ASCC3: variants seen among roughly 807,000 people sequenced by gnomAD.
ASCC3 encodes the protein ASC-1 complex subunit P200.
Under a neutral mutation model 256.3 loss-of-function variants are expected in ASCC3, and 158 were observed. The observed-to-expected ratio is 0.62, with a 90% CI of 0.54 to 0.70. ASCC3 has a LOEUF of 0.70. Among genes scored for constraint, ASCC3 ranks in the 30% least tolerant of loss-of-function variants. The pLI, the probability that ASCC3 is intolerant of heterozygous loss-of-function variation, is 0.00. For missense variants in ASCC3, 2,259 were observed against 2,626.0 expected (o/e 0.86, Z 3.05); for synonymous variants, 948 against 883.4 (o/e 1.07, Z -1.30).
chr6:100,811,498 T>C (rs945134485), intron 4 of ASCC3, among the ~76,000 whole-genome samples: 4 of 152,030 alleles, frequency 2.6e-5, no homozygotes, highest in African/African-American at 9.7e-5. Context: ...ATCAGAAAAG[T>C]AGAGAAACTT....
At chr6:100,694,831 T>C (rs1778008823) in intron 13 of ASCC3, among the ~76,000 whole-genome samples, 1 of 152,050 alleles carries the variant, frequency 6.6e-6, no homozygotes, top group South Asian at 2.1e-4. Flanking sequence ...TATAGTGGGA[T>C]GAAGGAAATG....
Position 100,518,058 on chromosome 6 carries a change from G to A in ASCC3, c.5860C>T (p.Arg1954Trp), listed in dbSNP as rs999281194. Residue 1954 changes from arginine to tryptophan, a missense_variant, in exon 38 of 42, where the codon CGG becomes TGG. This residue lies in a region of ASCC3 where 1,839 missense variants were observed against 2,206.7 expected (regional missense o/e 0.83). Coordinates refer to ENST00000369162, the MANE Select transcript of ASCC3 (RefSeq NM_006828.4). ...TNLIQMVIQG[R>W]WLKDSSLLTL... is the part of the protein sequence containing the mutation. ...AGAAGAGAAGAGTCCTTTAACCACC[G>A]ACCCTGGATCACCATCTGAATCAGG... The A allele has an allele frequency of 5.6e-6, 9 of 1,613,592 alleles. No individual in the cohort carries two copies. The highest frequency in any genetic ancestry group is 6.8e-6 in the Non-Finnish European group (8 of 1,179,684).
chr6:100,623,406 T>G lies in ASCC3; in HGVS notation c.4785+1786A>C, dbSNP rs559265584. 3.3e-5 allele frequency among the ~76,000 whole-genome samples: 5 copies of G among 152,282 alleles called. No individual in the cohort carries two copies. In the South Asian group the frequency reaches 1.0e-3, roughly 32 times the overall value. ...TAGTGAATAAGGTCATCTATAGAAC[T>G]AAGCAAAAACATTCTGAAATATCAG... On this transcript the variant is annotated intron_variant, in intron 30 of 41. Coordinates refer to ENST00000369162, the MANE Select transcript of ASCC3 (RefSeq NM_006828.4).
At chr6:100,521,425 A>G (rs1774304381) in intron 37 of ASCC3, among the ~76,000 whole-genome samples, 1 of 152,194 alleles carries the variant, frequency 6.6e-6, no homozygotes, top group South Asian at 2.1e-4. Flanking sequence ...AGAAAAAATA[A>G]ATTCATGTTA....
intron 36 of ASCC3, among the ~76,000 whole-genome samples, chr6:100,547,487 G>T (rs904545340): frequency 6.6e-6 from 1 of 151,904 alleles, no homozygotes; most frequent in Non-Finnish European, 1.5e-5. Flanking sequence ...AATATATAAG[G>T]TTCTCTCAAA....
Position 100,848,249 on chromosome 6 carries a change from T to C in ASCC3, c.700A>G (p.Thr234Ala), listed in dbSNP as rs769970815. 15 of 1,614,108 alleles carry C rather than the reference T, an allele frequency of 9.3e-6. No homozygotes were observed. Among genetic ancestry groups the C allele is most frequent in the East Asian group, 8.9e-5 (4 of 44,868 alleles). ...GGCACTTCAGTCATTTCCTTCAAAG[T>C]TGAATTTAGGTACTTTTCAACTTCA... ...WCEVEKYLNS[T>A]LKEMTEVPRV... The change falls in exon 4 of 42, where the codon ACT becomes GCT. Residue 234 changes from threonine to alanine, a missense_variant. Transcript: ENST00000369162.
chr6:100,653,419 C>T (rs1269477246), intron 17 of ASCC3, among the ~76,000 whole-genome samples: 3 of 151,982 alleles, frequency 2.0e-5, no homozygotes, highest in Non-Finnish European at 4.4e-5. Flanking sequence ...GTGGGCGGCT[C>T]ACGAGGTCAG....
At chr6:100,532,400 ATATATATTTTTT>A (rs1200452534) in intron 37 of ASCC3, among the ~76,000 whole-genome samples, 8 of 52,334 alleles carry the variant, frequency 1.5e-4, no homozygotes, top group East Asian at 8.6e-4. Flanking sequence ...ATATATATAT[ATATATATTTTTT>A]TTTTTTTTTT....
Position 100,642,750 on chromosome 6 carries a change from C to CTAA in ASCC3, c.3733-4_3733-2dup. The CTAA allele has an allele frequency of 6.2e-7, 1 of 1,611,246 alleles. No homozygotes were observed. Among genetic ancestry groups the CTAA allele is most frequent in the Non-Finnish European group, 8.5e-7 (1 of 1,177,670 alleles). On this transcript the variant is annotated splice_acceptor_variant, in intron 23 of 41. Coordinates refer to ENST00000369162, the MANE Select transcript of ASCC3 (RefSeq NM_006828.4). LOFTEE classifies it high-confidence loss of function. ...GTAGTTGGGCTTCTTTACTAATGAC[C>CTAA]TAATATGAAATACAGTCAAAAATAA...
intron 30 of ASCC3, among the ~76,000 whole-genome samples, chr6:100,621,694 T>C (rs1000797653): frequency 2.0e-5 from 3 of 152,130 alleles, no homozygotes; most frequent in African/African-American, 7.2e-5. Context: ...TCCTCAAGGA[T>C]CTAGAGGCAG....
chr6:100,734,530 A>G (rs986692699), intron 10 of ASCC3, among the ~76,000 whole-genome samples: 5 of 152,184 alleles, frequency 3.3e-5, no homozygotes, highest in Non-Finnish European at 5.9e-5. Context: ...CTCATCTGTA[A>G]AATGGAGATT....
intron 36 of ASCC3, among the ~76,000 whole-genome samples, chr6:100,557,309 T>A (rs148858927): frequency 2.6e-5 from 4 of 152,306 alleles, no homozygotes; most frequent in African/African-American, 9.6e-5. Flanking sequence ...AAGTATGCTT[T>A]AGCTGGATCT....
In ASCC3 at chr6:100,847,954, T is replaced by C. The variant is rs142659780; in HGVS notation, c.801+194A>G. The C allele has an allele frequency of 1.1e-4, 56 of 514,188 alleles. No homozygotes were observed. The Middle Eastern group carries it at 1.5e-3, about 14-fold the overall frequency. 31.9% of individuals were successfully genotyped at this position (514,188 alleles called of 1,614,324 possible). On this transcript the variant is annotated intron_variant, in intron 4 of 41. Coordinates refer to ENST00000369162, the MANE Select transcript of ASCC3 (RefSeq NM_006828.4). ...CTGCTTACTCCTCTGCTACACTCAT[T>C]ACACTTTCAGACCTCCTGTAACTAT...
intron 26 of ASCC3, 120 bp from the exon 27 acceptor site, chr6:100,629,301 T>A: frequency 4.5e-6 from 4 of 884,840 alleles, no homozygotes; most frequent in Non-Finnish European, 6.8e-6. Context: ...TTTATCTACC[T>A]TTGATTTTTG....
At chr6:100,789,309 G>A (rs1769237255) in intron 8 of ASCC3, among the ~76,000 whole-genome samples, 1 of 151,882 alleles carries the variant, frequency 6.6e-6, no homozygotes, top group Non-Finnish European at 1.5e-5. Context: ...CAAAAGAGTA[G>A]GGGAAGGAGT....
chr6:100,866,925 C>T (rs1773508428), intron 2 of ASCC3, among the ~76,000 whole-genome samples: 1 of 152,182 alleles, frequency 6.6e-6, no homozygotes, highest in East Asian at 1.9e-4. Flanking sequence ...CTTATAAGTA[C>T]ATGTCTAGAA....
intron 17 of ASCC3, 45 bp from the exon 18 acceptor site, chr6:100,652,934 T>A (rs1775741092): frequency 6.5e-7 from 1 of 1,550,324 alleles, no homozygotes; most frequent in Non-Finnish European, 8.9e-7. Flanking sequence ...CTTTAGAGAG[T>A]AACCATTTGC....
At chr6:100,754,454 C>T (rs1048214374) in intron 10 of ASCC3, among the ~76,000 whole-genome samples, 1 of 152,190 alleles carries the variant, frequency 6.6e-6, no homozygotes, top group Non-Finnish European at 1.5e-5. Context: ...ATCCCCTCAA[C>T]TGTTTGTTAC....
intron 39 of ASCC3, 22 bp from the exon 40 acceptor site, chr6:100,512,940 A>G (rs1446836726): frequency 1.3e-6 from 2 of 1,599,334 alleles, no homozygotes; most frequent in African/African-American, 1.3e-5. Flanking sequence ...GAGAAAAGAA[A>G]CAATAAAGGA....
Sources: gnomAD v4.1 joint callset for allele counts (sites outside exome capture counted in the v4.1 genomes callset) on GRCh38, gnomAD v4.1.1 for gene constraint, gnomAD v4.1.1 regional missense constraint, MANE v1.5 for transcripts, NCBI Gene and HGNC (gene_info 2026-07-23, HGNC 2026-07-21) for gene names.